The following GRM8 variants were observed in gnomAD, a reference collection of about 807,000 sequenced individuals.
GRM8 encodes the protein glutamate metabotropic receptor 8.
Under a neutral mutation model 87.2 loss-of-function variants are expected in GRM8, and 47 were observed. The observed-to-expected ratio is 0.54, with a 90% CI of 0.43 to 0.69. GRM8 has a LOEUF of 0.69. Ranked by LOEUF, GRM8 falls within the 30% of genes least tolerant of loss-of-function variation. The probability of loss-of-function intolerance (pLI) is 0.00; values close to 1 mark genes in which losing one functional copy is unlikely to be tolerated. For synonymous variants in GRM8, 396 were observed against 404.5 expected (o/e 0.98, Z 0.25); for missense variants, 1,019 against 1,139.2 (o/e 0.89, Z 1.52).
intron 6 of GRM8, among the ~76,000 whole-genome samples, chr7:126,850,732 G>T (rs1797134287): frequency 6.6e-6 from 1 of 152,196 alleles, no homozygotes; most frequent in Non-Finnish European, 1.5e-5. Context: ...TAGGAAGATA[G>T]TTGATCTTCT....
At chr7:127,138,121 A>C (rs1232074402) in intron 2 of GRM8, among the ~76,000 whole-genome samples, 1 of 152,206 alleles carries the variant, frequency 6.6e-6, no homozygotes, top group African/African-American at 2.4e-5. Flanking sequence ...AGAATGTTGA[A>C]AACAGATAGC....
At chr7:126,754,131 C>T (rs1816746075) in intron 7 of GRM8, among the ~76,000 whole-genome samples, 1 of 151,690 alleles carries the variant, frequency 6.6e-6, no homozygotes, top group South Asian at 2.1e-4. Context: ...GCTTGAAATG[C>T]ACAGGGTTAA....
At chr7:126,869,304 A>G (rs1215993112) in intron 6 of GRM8, 2 of 152,204 alleles carry the variant, frequency 1.3e-5, no homozygotes, top group Non-Finnish European at 2.9e-5. Flanking sequence ...GACATTTATA[A>G]GAGATGAAAT....
intron 6 of GRM8, among the ~76,000 whole-genome samples, chr7:126,794,192 T>C (rs1388522747): frequency 6.6e-6 from 1 of 152,018 alleles, no homozygotes; most frequent in East Asian, 1.9e-4. Flanking sequence ...CCCTTAGCAC[T>C]AGCAGTGTCA....
intron 3 of GRM8, among the ~76,000 whole-genome samples, chr7:127,084,046 G>A (rs1041470508): frequency 6.6e-6 from 1 of 152,184 alleles, no homozygotes; most frequent in African/African-American, 2.4e-5. Flanking sequence ...GAATACATTT[G>A]TGGCTTATCT....
chr7:126,692,880 C>T (rs1460784801), intron 7 of GRM8, among the ~76,000 whole-genome samples: 5 of 152,090 alleles, frequency 3.3e-5, no homozygotes, highest in Non-Finnish European at 5.9e-5. Flanking sequence ...TCTTGTAAAA[C>T]AGAAGGAGGA....
At chr7:126,725,411 G>A (rs1026515025) in intron 7 of GRM8, among the ~76,000 whole-genome samples, 4 of 152,242 alleles carry the variant, frequency 2.6e-5, no homozygotes, top group Middle Eastern at 3.4e-3. Flanking sequence ...CTAGGACGAA[G>A]GTCCACAATC....
At chr7:126,557,930 G>A (rs2150949999) in intron 8 of GRM8, among the ~76,000 whole-genome samples, 1 of 151,788 alleles carries the variant, frequency 6.6e-6, no homozygotes, top group African/African-American at 2.4e-5. Context: ...AAATTATAAA[G>A]GAATTCTGGT....
At chr7:127,119,844 C>T (rs1221061181) in intron 2 of GRM8, among the ~76,000 whole-genome samples, 1 of 152,214 alleles carries the variant, frequency 6.6e-6, no homozygotes, top group African/African-American at 2.4e-5. Context: ...CCTTTGTTGG[C>T]TATTCTTCCC....
chr7:126,502,204 G>C (rs1014472066), intron 9 of GRM8, among the ~76,000 whole-genome samples: 9 of 152,036 alleles, frequency 5.9e-5, no homozygotes, highest in African/African-American at 2.2e-4. Context: ...GTGATCACTT[G>C]AGAATGGAAG....
At chr7:127,059,331 C>CTTTTTTTTTT (rs10618329) in intron 3 of GRM8, among the ~76,000 whole-genome samples, 4 of 130,590 alleles carry the variant, frequency 3.1e-5, no homozygotes, top group South Asian at 2.4e-4. Context: ...TTTTTTTTTG[C>CTTTTTTTTTT]TTTTTTTTTT....
chr7:126,707,213 A>G (rs1184445948), intron 7 of GRM8, among the ~76,000 whole-genome samples: 1 of 152,164 alleles, frequency 6.6e-6, no homozygotes, highest in Non-Finnish European at 1.5e-5. Context: ...CTGGCTCAGG[A>G]ACCTACCATG....
intron 3 of GRM8, among the ~76,000 whole-genome samples, chr7:126,950,505 C>T (rs1808023925): frequency 6.6e-6 from 1 of 152,056 alleles, no homozygotes; most frequent in Admixed American, 6.5e-5. Flanking sequence ...CTCTCTCTCT[C>T]TCAGTATCGC....
At chr7:126,785,124 G>A (rs1411889387) in intron 6 of GRM8, among the ~76,000 whole-genome samples, 1 of 152,154 alleles carries the variant, frequency 6.6e-6, no homozygotes, top group Non-Finnish European at 1.5e-5. Flanking sequence ...CTGGGCTCAA[G>A]CAATCCTCTT....
At chr7:127,241,766 C>T (rs1798318477) in intron 2 of GRM8, among the ~76,000 whole-genome samples, 1 of 152,146 alleles carries the variant, frequency 6.6e-6, no homozygotes, top group African/African-American at 2.4e-5. Context: ...AAAACAAAGG[C>T]TCATTAATTC....
At chr7:126,832,627 A>G (rs1444633600) in intron 6 of GRM8, among the ~76,000 whole-genome samples, 1 of 152,238 alleles carries the variant, frequency 6.6e-6, no homozygotes. Flanking sequence ...GAAGAGATTC[A>G]GTATAAAACT....
intron 3 of GRM8, among the ~76,000 whole-genome samples, chr7:127,077,226 C>T (rs1822375486): frequency 6.6e-6 from 1 of 152,226 alleles, no homozygotes; most frequent in African/African-American, 2.4e-5. Context: ...CAGGTATTCA[C>T]TCTAGCCCTC....
At chr7:126,528,463 TGGG>T (rs1814263260) in intron 9 of GRM8, among the ~76,000 whole-genome samples, 1 of 152,188 alleles carries the variant, frequency 6.6e-6, no homozygotes, top group African/African-American at 2.4e-5. Context: ...CTTGCCCTCA[TGGG>T]TAACAGCCTA....
At chr7:126,638,643 G>T (rs1802080327) in intron 7 of GRM8, among the ~76,000 whole-genome samples, 2 of 152,124 alleles carry the variant, frequency 1.3e-5, no homozygotes, top group Non-Finnish European at 2.9e-5. Flanking sequence ...GGGCCAGCAG[G>T]ATAAAAAGCA....
Sources: gnomAD v4.1 joint callset for allele counts (sites outside exome capture counted in the v4.1 genomes callset) on GRCh38, gnomAD v4.1.1 for gene constraint, MANE v1.5 for transcripts, NCBI Gene and HGNC (gene_info 2026-07-23, HGNC 2026-07-21) for gene names.